The following LRRC4C variants were observed in gnomAD, a reference collection of about 807,000 sequenced individuals.
LRRC4C encodes the protein leucine rich repeat containing 4C, also known as leucine-rich repeat-containing protein 4C.
Under a neutral mutation model 33.6 loss-of-function variants are expected in LRRC4C, and 5 were observed. The observed-to-expected ratio is 0.15, with a 90% CI of 0.08 to 0.31. The LOEUF (loss-of-function observed/expected upper bound fraction) is 0.31, where lower values mean the gene tolerates loss of function less well. Ranked by LOEUF, LRRC4C falls within the 10% of genes least tolerant of loss-of-function variation. The pLI, the probability that LRRC4C is intolerant of heterozygous loss-of-function variation, is 1.00. For synonymous variants in LRRC4C, 329 were observed against 302.0 expected (o/e 1.09, Z -0.93); for missense variants, 560 against 796.7 (o/e 0.70, Z 3.58).
At chr11:41,453,992 G>T (rs1590333033) in intron 1 of LRRC4C, among the ~76,000 whole-genome samples, 1 of 152,116 alleles carries the variant, frequency 6.6e-6, no homozygotes, top group East Asian at 1.9e-4. Flanking sequence ...GCTTTAAAAT[G>T]CAGGGAGCAT....
intron 1 of LRRC4C, among the ~76,000 whole-genome samples, chr11:40,955,427 A>T (rs920363324): frequency 1.3e-5 from 2 of 151,814 alleles, no homozygotes; most frequent in Admixed American, 6.6e-5. Context: ...TTTCTTCATC[A>T]CTGGGGGGGA....
At chr11:40,288,680 A>G (rs1055813254) in intron 4 of LRRC4C, among the ~76,000 whole-genome samples, 1 of 152,310 alleles carries the variant, frequency 6.6e-6, no homozygotes, top group Non-Finnish European at 1.5e-5. Flanking sequence ...TCCTCATTCT[A>G]TATATTCTAA....
At chr11:41,292,636 G>A (rs1271205316) in intron 1 of LRRC4C, among the ~76,000 whole-genome samples, 1 of 151,980 alleles carries the variant, frequency 6.6e-6, no homozygotes, top group East Asian at 1.9e-4. Context: ...ACAAGTTACT[G>A]GTAGTTAACT....
rs865871663 is a variant in LRRC4C, at chr11:40,115,890, G to A, written c.403C>T (p.Arg135Cys). ...GCTCCATTCGGGATGGTAGTAAGAC[G>A]ATTGTCAAAGAGTTCCAGAGTGTTG... is the stretch of plus-strand genomic sequence containing the variant. ...NLNTLELFDN[R>C]LTTIPNGAFV... The change falls in exon 7 of 7, where the codon CGT becomes TGT. Residue 135 changes from arginine (R) to cysteine (C), a missense_variant. Transcript: ENST00000528697. This position sits in a 1 kb window ranked among gnomAD's most constrained non-coding sequence, Gnocchi z 6.7. 7 of 1,614,108 alleles carry A rather than the reference G, an allele frequency of 4.3e-6. No homozygotes were observed. Among genetic ancestry groups the A allele is most frequent in the South Asian group, 1.1e-5 (1 of 91,068 alleles).
At chr11:41,260,192 C>T (rs932436981) in intron 1 of LRRC4C, among the ~76,000 whole-genome samples, 10 of 151,942 alleles carry the variant, frequency 6.6e-5, no homozygotes, top group African/African-American at 2.4e-4. Flanking sequence ...TGTACTCTTT[C>T]CCCAAAATAC....
chr11:40,910,867 T>A (rs1183468304), intron 2 of LRRC4C, among the ~76,000 whole-genome samples: 1 of 152,192 alleles, frequency 6.6e-6, no homozygotes. Flanking sequence ...GCTTTTCCAA[T>A]GGTCTTAGCA....
At chr11:41,077,955 C>G (rs996591161) in intron 1 of LRRC4C, among the ~76,000 whole-genome samples, 2 of 152,136 alleles carry the variant, frequency 1.3e-5, no homozygotes, top group Non-Finnish European at 2.9e-5. Context: ...TTTCTTCAAC[C>G]AGGTACCCTA....
intron 4 of LRRC4C, among the ~76,000 whole-genome samples, chr11:40,307,021 C>CTATCTAAT (rs1945073352): frequency 1.2e-5 from 1 of 82,330 alleles, no homozygotes; most frequent in Admixed American, 1.4e-4. Flanking sequence ...TATCTAATAT[C>CTATCTAAT]TATCTATCTA....
At chr11:40,296,934 C>A (rs555544455) in intron 4 of LRRC4C, among the ~76,000 whole-genome samples, 28 of 152,232 alleles carry the variant, frequency 1.8e-4, no homozygotes, top group Admixed American at 6.5e-4. Context: ...GAAGAGGAGG[C>A]ACAGTGCTAG....
At chr11:40,555,232 C>A (rs1460823230) in intron 3 of LRRC4C, among the ~76,000 whole-genome samples, 1 of 151,972 alleles carries the variant, frequency 6.6e-6, no homozygotes, top group Admixed American at 6.6e-5. Flanking sequence ...ATTTCACTGC[C>A]CTGTGTTAAG....
At chr11:40,922,597 C>A (rs1957227048) in intron 2 of LRRC4C, among the ~76,000 whole-genome samples, 1 of 152,238 alleles carries the variant, frequency 6.6e-6, no homozygotes, top group South Asian at 2.1e-4. Context: ...CACCCTGGTG[C>A]CATAAACTCC....
chr11:40,522,069 C>G (rs1472877980), intron 3 of LRRC4C, among the ~76,000 whole-genome samples: 1 of 152,274 alleles, frequency 6.6e-6, no homozygotes, highest in South Asian at 2.1e-4. Flanking sequence ...GTCGCCCAGG[C>G]TGGAGTGCGA....
intron 1 of LRRC4C, among the ~76,000 whole-genome samples, chr11:41,109,853 AG>A (rs1183992555): frequency 6.6e-6 from 1 of 152,066 alleles, no homozygotes; most frequent in African/African-American, 2.4e-5. Context: ...AAGGGAAGGA[AG>A]GGAATACTTT....
At chr11:40,775,589 G>A (rs1949958960) in intron 2 of LRRC4C, among the ~76,000 whole-genome samples, 2 of 152,018 alleles carry the variant, frequency 1.3e-5, no homozygotes, top group South Asian at 2.1e-4. Context: ...GAACATTATT[G>A]ATGCATGGAG....
intron 3 of LRRC4C, among the ~76,000 whole-genome samples, chr11:40,493,760 A>G (rs964758453): frequency 2.6e-5 from 4 of 152,130 alleles, no homozygotes; most frequent in African/African-American, 9.7e-5. Flanking sequence ...AGCAATACCA[A>G]CCAACTAAGG....
Position 40,719,663 on chromosome 11 carries a change from T to G in LRRC4C, c.-406-71385A>C, listed in dbSNP as rs554757991. 7.2e-4 allele frequency among the ~76,000 whole-genome samples: 110 copies of G among 152,332 alleles called. 1 individual carries two copies. Among genetic ancestry groups the G allele is most frequent in the African/African-American group, 2.6e-3 (108 of 41,580 alleles). On this transcript the variant is annotated intron_variant, in intron 2 of 6. Transcript: ENST00000528697. ...ATGTTTGTCTATGCAAACTGCCATG[T>G]TTTAATATTGCTCCCCATCCTCTCA...
At chr11:40,803,659 A>G (rs778681834) in intron 2 of LRRC4C, among the ~76,000 whole-genome samples, 1 of 152,064 alleles carries the variant, frequency 6.6e-6, no homozygotes, top group African/African-American at 2.4e-5. Flanking sequence ...TGTCACCCAG[A>G]TGGGGTTTCA....
intron 1 of LRRC4C, among the ~76,000 whole-genome samples, chr11:41,112,778 G>C (rs1941910029): frequency 1.3e-5 from 2 of 152,066 alleles, no homozygotes; most frequent in Non-Finnish European, 2.9e-5. Flanking sequence ...TGAGTAAAAA[G>C]AGAGTCAGAG....
In LRRC4C at chr11:41,093,535, C is replaced by T. The variant is rs1326690339; in HGVS notation, c.-495-159812G>A. Among the ~76,000 whole-genome samples the T allele has an allele frequency of 3.9e-4, 60 of 152,070 alleles. 1 individual carries two copies. The highest frequency in any genetic ancestry group is 1.5e-5 in the Non-Finnish European group (1 of 68,010). On this transcript the variant is annotated intron_variant, in intron 1 of 6. Transcript: ENST00000528697. ...AAGTGGAATATGTATACTATTTGCT[C>T]TTTATTCTTTCTTCTAGATTATTTC...
Sources: allele counts gnomAD v4.1 joint callset (sites outside exome capture counted in the v4.1 genomes callset), GRCh38; gene constraint gnomAD v4.1.1; non-coding constraint Gnocchi (gnomAD v3.1); transcripts MANE v1.5; gene names NCBI Gene and HGNC (gene_info 2026-07-23, HGNC 2026-07-21).